The following CSMD3 variants were observed in gnomAD, a reference collection of about 807,000 sequenced individuals.
The protein encoded by CSMD3 is CUB and Sushi multiple domains 3.
In CSMD3, 177 loss-of-function variants were observed where a neutral mutation model predicts 435.2. The ratio of observed to expected loss-of-function variants is 0.41; its 90% CI spans 0.36 to 0.46. The LOEUF is 0.46. CSMD3 is among the 20% of genes least tolerant of loss of function. CSMD3 has a pLI of 0.34. For synonymous variants in CSMD3, 1,656 were observed against 1,520.5 expected, an observed-to-expected ratio of 1.09 and a Z score of -2.07; for missense variants, 4,265 against 4,504.6, an observed-to-expected ratio of 0.95 and a Z score of 1.52.
intron 13 of CSMD3, among the ~76,000 whole-genome samples, chr8:112,755,458 G>C (rs1055033491): frequency 6.6e-6 from 1 of 151,266 alleles, no homozygotes; most frequent in Non-Finnish European, 1.5e-5. Context: ...CCCCCACTTC[G>C]TTCTGCACTT....
At chr8:112,620,819 C>A (rs73332693) in intron 22 of CSMD3, among the ~76,000 whole-genome samples, 2 of 152,286 alleles carry the variant, frequency 1.3e-5, no homozygotes, top group South Asian at 2.1e-4. Context: ...CCAAAGGCTG[C>A]ATTTCTCCAA....
chr8:112,958,328 C>CA (rs1445791426), intron 7 of CSMD3, among the ~76,000 whole-genome samples: 3 of 152,086 alleles, frequency 2.0e-5, no homozygotes, highest in African/African-American at 7.2e-5. Flanking sequence ...TTTTTCATTA[C>CA]ATGTTCAGTT....
At chr8:112,493,190 C>A (rs1035115605) in intron 30 of CSMD3, among the ~76,000 whole-genome samples, 3 of 151,984 alleles carry the variant, frequency 2.0e-5, no homozygotes, top group African/African-American at 7.2e-5. Context: ...TAAATAAATT[C>A]TAAAGATCTT....
intron 38 of CSMD3, among the ~76,000 whole-genome samples, chr8:112,367,800 G>A (rs1472405755): frequency 2.6e-5 from 4 of 151,992 alleles, no homozygotes; most frequent in Non-Finnish European, 5.9e-5. Context: ...CTTCAATGAG[G>A]CTACTCTTTC....
intron 3 of CSMD3, among the ~76,000 whole-genome samples, chr8:113,197,267 G>C (rs1215651684): frequency 6.6e-6 from 1 of 150,738 alleles, no homozygotes; most frequent in Non-Finnish European, 1.5e-5. Flanking sequence ...CAAAATTATT[G>C]AAAATACTGT....
rs1398468659 is a variant in CSMD3, at chr8:112,335,384, T to G, written c.7110A>C (p.Leu2370=). Reference sequence around the variant, plus strand: ...TTGTGAAATCACTGTGGAATTTGATTAGAATCTGATTTGAAGTACTGTAGA... The same window carrying G: ...TTGTGAAATCACTGTGGAATTTGATGAGAATCTGATTTGAAGTACTGTAGA... ...ESVYSTSNQI[L]IKFHSDFTTS... The change falls in exon 45 of 71, where the codon CTA becomes CTC. Residue 2370 remains leucine (L), a synonymous_variant. Transcript: ENST00000297405. 2 of 1,613,872 alleles carry G rather than the reference T, an allele frequency of 1.2e-6. No homozygotes were observed. Among genetic ancestry groups the G allele is most frequent in the Non-Finnish European group, 1.7e-6 (2 of 1,179,924 alleles).
intron 10 of CSMD3, among the ~76,000 whole-genome samples, chr8:112,889,545 ATG>A (rs1179277805): frequency 9.2e-5 from 14 of 151,612 alleles, no homozygotes; most frequent in African/African-American, 2.9e-4. Flanking sequence ...ACCTATGGAA[ATG>A]TGTGTCTTTT....
At chr8:112,594,593 T>G (rs1269138022) in intron 22 of CSMD3, among the ~76,000 whole-genome samples, 4 of 152,144 alleles carry the variant, frequency 2.6e-5, no homozygotes, top group Non-Finnish European at 5.9e-5. Context: ...AGCAGTAACC[T>G]CTGCAGACTT....
intron 45 of CSMD3, among the ~76,000 whole-genome samples, chr8:112,324,464 T>G (rs768445788): frequency 6.6e-6 from 1 of 152,042 alleles, no homozygotes; most frequent in Non-Finnish European, 1.5e-5. Flanking sequence ...CCATAATAGG[T>G]GCTGGAAATG....
At chr8:112,921,034 CAT>C (rs549728904) in intron 10 of CSMD3, among the ~76,000 whole-genome samples, 26,564 of 129,408 alleles carry the variant, frequency 0.21, 2,262 homozygotes, top group East Asian at 0.29. Context: ...CACACACACA[CAT>C]ATATATACCT....
intron 38 of CSMD3, among the ~76,000 whole-genome samples, chr8:112,352,955 T>C (rs1826266089): frequency 6.6e-6 from 1 of 151,864 alleles, no homozygotes; most frequent in African/African-American, 2.4e-5. Flanking sequence ...TGCTATTTTG[T>C]CTTCCTTGCT....
chr8:113,317,482 T>G (rs1237283216), intron 1 of CSMD3, among the ~76,000 whole-genome samples: 2 of 152,240 alleles, frequency 1.3e-5, no homozygotes, highest in South Asian at 4.1e-4. Context: ...TTCATGGATT[T>G]CGAGTACTTT....
intron 3 of CSMD3, among the ~76,000 whole-genome samples, chr8:113,256,348 A>C (rs1588385161): frequency 6.6e-6 from 1 of 152,170 alleles, no homozygotes; most frequent in Non-Finnish European, 1.5e-5. Context: ...ACTTGTAATA[A>C]TTTAAGTACA....
intron 5 of CSMD3, among the ~76,000 whole-genome samples, chr8:113,044,027 A>C (rs2087729661): frequency 6.6e-6 from 1 of 152,120 alleles, no homozygotes; most frequent in South Asian, 2.1e-4. Context: ...CTTTTCATAT[A>C]GGTCAATGGT....
At chr8:113,426,019 T>G (rs894442746) in intron 1 of CSMD3, among the ~76,000 whole-genome samples, 2 of 151,450 alleles carry the variant, frequency 1.3e-5, no homozygotes, top group Non-Finnish European at 3.0e-5. Flanking sequence ...CTAGAGTACA[T>G]AGTTAGGTCA....
At chr8:112,531,829 A>C (rs1242244596) in intron 27 of CSMD3, among the ~76,000 whole-genome samples, 1 of 152,126 alleles carries the variant, frequency 6.6e-6, no homozygotes. Flanking sequence ...ACACATGTCC[A>C]CAAGCCTCAA....
intron 34 of CSMD3, among the ~76,000 whole-genome samples, chr8:112,406,952 T>C (rs955738940): frequency 6.6e-6 from 1 of 152,030 alleles, no homozygotes; most frequent in African/African-American, 2.4e-5. Flanking sequence ...AGTTTTACTT[T>C]TGATTCTTTA....
chr8:112,810,578 C>T (rs1450152231), intron 12 of CSMD3, among the ~76,000 whole-genome samples: 1 of 151,908 alleles, frequency 6.6e-6, no homozygotes, highest in East Asian at 1.9e-4. Flanking sequence ...TAGGCTTTTT[C>T]CACAAGAATT....
chr8:112,439,814 T>C (rs7837689), intron 32 of CSMD3, among the ~76,000 whole-genome samples: 42,670 of 151,802 alleles, frequency 0.28, 6,831 homozygotes, highest in African/African-American at 0.44. Context: ...ACTATCATGA[T>C]AAAAGTACAG....
Sources: allele counts gnomAD v4.1 joint callset (sites outside exome capture counted in the v4.1 genomes callset), GRCh38; gene constraint gnomAD v4.1.1; transcripts MANE v1.5; gene names NCBI Gene and HGNC (gene_info 2026-07-23, HGNC 2026-07-21).